Variants in CFAP70 observed in about 807,000 individuals in gnomAD.
The protein encoded by CFAP70 is cilia- and flagella-associated protein 70.
In CFAP70, 81 loss-of-function variants were observed where a neutral mutation model predicts 137.6. The observed-to-expected ratio is 0.59, with a 90% CI of 0.49 to 0.71. The LOEUF (loss-of-function observed/expected upper bound fraction) is 0.71. CFAP70 is among the 30% of genes least tolerant of loss of function. CFAP70 has a pLI of 0.00. For missense variants in CFAP70, 976 were observed against 1,226.7 expected (o/e 0.80, Z 3.05); for synonymous variants, 382 against 423.6 (o/e 0.90, Z 1.20).
At chr10:73,348,638 G>T in intron 3 of CFAP70, 117 bp from the exon 4 acceptor site, 1 of 683,076 alleles carries the variant, frequency 1.5e-6, no homozygotes, top group Non-Finnish European at 2.3e-6. Context: ...AAACTTGAAA[G>T]TACAGAAGGC....
At chr10:73,362,030 CAT>C (rs1469925764), upstream of CFAP70, among the ~76,000 whole-genome samples, 1 of 152,100 alleles carries the variant, frequency 6.6e-6, no homozygotes, top group African/African-American at 2.4e-5. Context: ...GTAATAAAGA[CAT>C]AAAGATAGCC....
At position 73,275,831 on chromosome 10, in the gene CFAP70, T is replaced by C. The variant is rs552636579; in HGVS notation, c.2521-233A>G. 8.0e-5 allele frequency: 30 copies of C among 375,438 alleles called. No homozygotes were observed. The highest frequency in any genetic ancestry group is 6.1e-4 in the African/African-American group (29 of 47,280). The allele number at this position is 375,438 out of a possible 1,614,324, so 23.3% of individuals were successfully genotyped here. A position where few individuals can be genotyped will look rare whatever the true frequency, so the allele number is the denominator to read the frequency against. On this transcript the variant is annotated intron_variant, in intron 21 of 26. Coordinates refer to ENST00000310715, the Ensembl canonical transcript of CFAP70. The surrounding 1 kb of genome is among the most constrained non-coding windows in gnomAD (Gnocchi z 4.0). Reference sequence around the variant, plus strand: ...ACATTACCAAGTGAATAACTTGCAATATTGTACAATTCTGGTCTTGCTGGT... The same window carrying C: ...ACATTACCAAGTGAATAACTTGCAACATTGTACAATTCTGGTCTTGCTGGT...
intron 9 of CFAP70, among the ~76,000 whole-genome samples, chr10:73,321,734 T>C (rs545253522): frequency 1.3e-5 from 2 of 152,218 alleles, no homozygotes; most frequent in Admixed American, 1.3e-4. Flanking sequence ...AATTACCACA[T>C]GGATTTCAGT....
At chr10:73,253,977 A>G (rs2044206039) in exon 27 of CFAP70, 1 of 1,603,766 alleles carries the variant, frequency 6.2e-7, no homozygotes, top group East Asian at 2.2e-5. Context: ...GAGGGGTATC[A>G]GAAAGATGGA....
intron 8 of CFAP70, among the ~76,000 whole-genome samples, chr10:73,326,621 T>A: frequency 6.7e-6 from 1 of 149,618 alleles, no homozygotes; most frequent in Admixed American, 6.7e-5. Flanking sequence ...GAGAGAAGAA[T>A]CAAATAGATG....
intron 12 of CFAP70, among the ~76,000 whole-genome samples, chr10:73,307,000 G>A (rs1346199945): frequency 1.3e-5 from 2 of 151,952 alleles, no homozygotes; most frequent in Non-Finnish European, 2.9e-5. Flanking sequence ...GATGACAAAT[G>A]CATAAAATAA....
At chr10:73,274,281 C>T in intron 23 of CFAP70, 152 bp downstream of exon 24, 1 of 861,484 alleles carries the variant, frequency 1.2e-6, no homozygotes, top group Non-Finnish European at 1.7e-6. Flanking sequence ...CCACTAATTA[C>T]TGGTTGTCTG....
chr10:73,324,912 G>T (rs1479674891), intron 8 of CFAP70, among the ~76,000 whole-genome samples: 2 of 152,206 alleles, frequency 1.3e-5, no homozygotes, highest in African/African-American at 2.4e-5. Flanking sequence ...AAAACACTCT[G>T]CAGGATATCA....
chr10:73,333,198 G>T (rs1299348621), intron 7 of CFAP70, among the ~76,000 whole-genome samples: 2 of 152,086 alleles, frequency 1.3e-5, no homozygotes, highest in Non-Finnish European at 2.9e-5. Context: ...GTGAGTATAT[G>T]TGAATAGAAA....
At chr10:73,255,445 C>A (rs558259265) in intron 26 of CFAP70, among the ~76,000 whole-genome samples, 1 of 152,144 alleles carries the variant, frequency 6.6e-6, no homozygotes, top group African/African-American at 2.4e-5. Context: ...ATCCCAGCTA[C>A]TTGGGAGGCT....
At chr10:73,299,616 C>T (rs1337749627) in exon 13 of CFAP70, 4 of 1,613,192 alleles carry the variant, frequency 2.5e-6, no homozygotes, top group Non-Finnish European at 3.4e-6. Flanking sequence ...TTCTGAGCTC[C>T]TCCTGTCCGA....
At position 73,273,032 on chromosome 10, in the gene CFAP70, C is replaced by T; in HGVS notation, c.2836-15G>A. 1 of 1,534,940 alleles carries T rather than the reference C, an allele frequency of 6.5e-7. No individual in the cohort carries two copies. The highest frequency in any genetic ancestry group is 8.8e-7 in the Non-Finnish European group (1 of 1,133,352). Reference sequence around the variant, plus strand: ...GCCTTTTCATACTGTAGAAAGAAAGCACCACTAAGCTACTGTTCTAGAAGC... The same window carrying T: ...GCCTTTTCATACTGTAGAAAGAAAGTACCACTAAGCTACTGTTCTAGAAGC... On this transcript the variant is annotated splice_polypyrimidine_tract_variant and intron_variant, in intron 23 of 26. Transcript: ENST00000310715.
At chr10:73,323,615 C>G in intron 8 of CFAP70, among the ~76,000 whole-genome samples, 1 of 152,220 alleles carries the variant, frequency 6.6e-6, no homozygotes, top group East Asian at 1.9e-4. Flanking sequence ...TTGGGTCACT[C>G]CCACCCTAAT....
chr10:73,289,818 G>A (rs1266555958), intron 19 of CFAP70, among the ~76,000 whole-genome samples: 1 of 152,028 alleles, frequency 6.6e-6, no homozygotes, highest in African/African-American at 2.4e-5. Flanking sequence ...GGCCGAGGCA[G>A]GCAGATTGCC....
chr10:73,349,611 C>A (rs2054033059), intron 3 of CFAP70, among the ~76,000 whole-genome samples: 1 of 151,994 alleles, frequency 6.6e-6, no homozygotes, highest in East Asian at 1.9e-4. Flanking sequence ...TATTGCCTAC[C>A]ATAAGGCTTG....
chr10:73,339,970 G>A (rs1015844937), intron 6 of CFAP70, among the ~76,000 whole-genome samples: 2 of 152,176 alleles, frequency 1.3e-5, no homozygotes, highest in African/African-American at 2.4e-5. Context: ...CCACCATTCC[G>A]CAGGTCCTGA....
intron 20 of CFAP70, among the ~76,000 whole-genome samples, chr10:73,277,786 A>T (rs566795364): frequency 1.7e-4 from 26 of 152,308 alleles, no homozygotes; most frequent in Admixed American, 1.2e-3. Flanking sequence ...GAGGGATCAT[A>T]ATCTAGAAAG....
intron 1 of CFAP70, among the ~76,000 whole-genome samples, chr10:73,356,874 C>G (rs919713603): frequency 6.6e-6 from 1 of 152,220 alleles, no homozygotes; most frequent in Non-Finnish European, 1.5e-5. Context: ...CACTCTAATT[C>G]ATCCTGCTTT....
intron 20 of CFAP70, 54 bp downstream of exon 21, chr10:73,278,125 A>G (rs1446912479): frequency 3.6e-5 from 56 of 1,565,994 alleles, no homozygotes; most frequent in Non-Finnish European, 4.9e-5. Context: ...AAGAGTCTTC[A>G]TCCTTGTCTA....
Sources: gnomAD v4.1 joint callset for allele counts (sites outside exome capture counted in the v4.1 genomes callset) on GRCh38, gnomAD v4.1.1 for gene constraint, Gnocchi (gnomAD v3.1) non-coding constraint, MANE v1.5 for transcripts, NCBI Gene and HGNC (gene_info 2026-07-23, HGNC 2026-07-21) for gene names.